MCF2: variants seen among roughly 807,000 people sequenced by gnomAD.
MCF2 encodes the protein MCF.2 cell line derived transforming sequence.
In MCF2, 44 loss-of-function variants were observed where a neutral mutation model predicts 82.5. The observed-to-expected ratio is 0.53, with a 90% CI of 0.42 to 0.69. The LOEUF (loss-of-function observed/expected upper bound fraction) is 0.69, where lower values mean the gene tolerates loss of function less well. MCF2 is among the 30% of genes least tolerant of loss of function. MCF2 has a pLI of 0.00. For missense variants in MCF2, 623 were observed against 663.1 expected (o/e 0.94, Z 0.66); for synonymous variants, 217 against 224.9 (o/e 0.96, Z 0.32).
intron 1 of MCF2, among the ~76,000 whole-genome samples, chrX:139,687,159 C>T (rs1484368184): frequency 9.0e-6 from 1 of 111,671 alleles, no homozygotes; most frequent in Admixed American, 9.5e-5. Flanking sequence ...TGTCTCAAGG[C>T]CTTTCCACTG....
chrX:139,609,244 G>T (rs897705138), intron 11 of MCF2, among the ~76,000 whole-genome samples: 1 of 112,434 alleles, frequency 8.9e-6, no homozygotes, highest in Non-Finnish European at 1.9e-5. Flanking sequence ...AACACAAGAA[G>T]AAAATGTGGG....
intron 1 of MCF2, among the ~76,000 whole-genome samples, chrX:139,697,867 C>T (rs923816159): frequency 2.7e-5 from 3 of 112,375 alleles, no homozygotes; most frequent in Non-Finnish European, 5.6e-5. Flanking sequence ...GGGTCAGACG[C>T]GGTGGCTCAC....
At chrX:139,688,578 T>A (rs878960971) in intron 1 of MCF2, among the ~76,000 whole-genome samples, 1 of 112,272 alleles carries the variant, frequency 8.9e-6, no homozygotes, top group Admixed American at 9.4e-5. Context: ...AGTGAACAGG[T>A]TTTCACAACT....
At chrX:139,673,885 C>T (rs1287778395) in intron 1 of MCF2, among the ~76,000 whole-genome samples, 1 of 111,498 alleles carries the variant, frequency 9.0e-6, no homozygotes, top group African/African-American at 3.3e-5. Flanking sequence ...AACCTTCTGT[C>T]TCGTTGATCT....
chrX:139,691,856 GAGA>G (rs756694291), intron 1 of MCF2: 555 of 1,007,100 alleles, frequency 5.5e-4, no homozygotes, highest in Non-Finnish European at 7.0e-4. Flanking sequence ...GGCAGCGGCT[GAGA>G]AGAAGGGCAA....
At chrX:139,598,332 C>T in intron 17 of MCF2, 74 bp downstream of exon 21, 1 of 681,413 alleles carries the variant, frequency 1.5e-6, no homozygotes, top group Non-Finnish European at 2.3e-6. Context: ...TCCTAGTAAA[C>T]TATTTCCTTT....
intron 19 of MCF2, among the ~76,000 whole-genome samples, chrX:139,595,246 T>C (rs1220280423): frequency 1.8e-5 from 2 of 109,339 alleles, no homozygotes; most frequent in Non-Finnish European, 3.8e-5. Flanking sequence ...CAAAGGACTA[T>C]AAATCATGCT....
chrX:139,672,511 G>T (rs886432242), intron 1 of MCF2, among the ~76,000 whole-genome samples: 1 of 112,294 alleles, frequency 8.9e-6, no homozygotes, highest in Non-Finnish European at 1.9e-5. Context: ...TTTATTGAGA[G>T]TTTTTAGCAT....
intron 1 of MCF2, among the ~76,000 whole-genome samples, chrX:139,634,145 A>C (rs369075284): frequency 8.9e-6 from 1 of 111,996 alleles, no homozygotes; most frequent in South Asian, 3.8e-4. Context: ...AAAGAAGTCT[A>C]GGCTAAAAGT....
chrX:139,607,611 A>G, intron 12 of MCF2, 80 bp downstream of exon 16: 1 of 662,198 alleles, frequency 1.5e-6, no homozygotes, highest in Non-Finnish European at 2.2e-6. Flanking sequence ...TCAAATTTCT[A>G]ATCACATTGG....
At chrX:139,675,771 C>T (rs944427359) in intron 1 of MCF2, among the ~76,000 whole-genome samples, 3 of 112,142 alleles carry the variant, frequency 2.7e-5, no homozygotes, top group Non-Finnish European at 5.6e-5. Context: ...TTAGGCTACA[C>T]GGAGGTCAGG....
chrX:139,675,924 C>G (rs1011538019), intron 1 of MCF2, among the ~76,000 whole-genome samples: 1 of 112,941 alleles, frequency 8.9e-6, no homozygotes, highest in African/African-American at 3.2e-5. Context: ...TGCCCTGCCC[C>G]CAGAGGTGGA....
chrX:139,585,269 T>C (rs887351227), intron 23 of MCF2, 91 bp from the exon 28 acceptor site: 1 of 524,709 alleles, frequency 1.9e-6, no homozygotes, highest in Non-Finnish European at 3.1e-6. Flanking sequence ...CTTTAAAAAG[T>C]TGAATTTAAA....
At chrX:139,682,472 T>C (rs1436917262) in intron 1 of MCF2, among the ~76,000 whole-genome samples, 1 of 112,433 alleles carries the variant, frequency 8.9e-6, no homozygotes. Context: ...AAAGAAGAAC[T>C]ACATACGTGG....
At chrX:139,611,393 A>G (rs1319769010) in intron 10 of MCF2, among the ~76,000 whole-genome samples, 5 of 112,369 alleles carry the variant, frequency 4.4e-5, no homozygotes, top group African/African-American at 1.6e-4. Context: ...TAATTTCTCA[A>G]TGAATACTAA....
chrX:139,623,663 A>AATGTAACAGTATACCC (rs1378212432), intron 6 of MCF2, among the ~76,000 whole-genome samples: 1 of 70,181 alleles, frequency 1.4e-5, no homozygotes, highest in East Asian at 3.0e-4. Flanking sequence ...TCACACCTCA[A>AATGTAACAGTATACCC]ATGTAACAGT....
chrX:139,697,150 G>T (rs1286010227), intron 1 of MCF2, among the ~76,000 whole-genome samples: 1 of 111,750 alleles, frequency 8.9e-6, no homozygotes, highest in Non-Finnish European at 1.9e-5. Flanking sequence ...TGTCCCCATG[G>T]CCACTGTGAT....
At chrX:139,602,776 CT>C (rs903880566) in intron 15 of MCF2, among the ~76,000 whole-genome samples, 5 of 112,184 alleles carry the variant, frequency 4.5e-5, no homozygotes, top group African/African-American at 6.5e-5. Context: ...TAAAAACCTA[CT>C]TTTTGCATAA....
intron 6 of MCF2, among the ~76,000 whole-genome samples, chrX:139,621,468 C>T: frequency 9.0e-6 from 1 of 111,324 alleles, no homozygotes; most frequent in Non-Finnish European, 1.9e-5. Flanking sequence ...AATCTAATAT[C>T]CAGAATCTGT....
Sources: gnomAD v4.1 joint callset for allele counts (sites outside exome capture counted in the v4.1 genomes callset) on GRCh38, gnomAD v4.1.1 for gene constraint, MANE v1.5 for transcripts, NCBI Gene and HGNC (gene_info 2026-07-23, HGNC 2026-07-21) for gene names.